Variants in SLC15A1 observed in about 807,000 individuals in gnomAD.
The protein encoded by SLC15A1 is Caco-2 oligopeptide transporter.
Under a neutral mutation model 92.9 loss-of-function variants are expected in SLC15A1, and 83 were observed. The ratio of observed to expected loss-of-function variants is 0.89; its 90% CI spans 0.75 to 1.07. SLC15A1 has a LOEUF of 1.07. SLC15A1 is among the 50% of genes least tolerant of loss of function. The pLI is 0.00. For synonymous variants in SLC15A1, 322 were observed against 318.2 expected, an observed-to-expected ratio of 1.01 and a Z score of -0.13; for missense variants, 857 against 880.1, an observed-to-expected ratio of 0.97 and a Z score of 0.33.
intron 18 of SLC15A1, among the ~76,000 whole-genome samples, chr13:98,697,148 T>C (rs967598238): frequency 3.3e-5 from 5 of 152,190 alleles, no homozygotes; most frequent in African/African-American, 1.2e-4. Flanking sequence ...CTCTGCCTCC[T>C]GGGTTCGAGT....
chr13:98,712,280 A>T (rs1049504110), intron 10 of SLC15A1, among the ~76,000 whole-genome samples: 4 of 152,210 alleles, frequency 2.6e-5, no homozygotes, highest in African/African-American at 9.6e-5. Flanking sequence ...AGATTATACC[A>T]AATGAAAAAC....
Position 98,706,190 on chromosome 13 carries a change from T to G in SLC15A1, c.1213A>C (p.Asn405His). The change falls in exon 16 of 23, where the codon AAT (asparagine) becomes CAT (histidine). Residue 405 changes from asparagine to histidine, a missense_variant. Transcript: ENST00000376503. ...CCAGGAAGAGATATATTCATGGTAT[T>G]GTTTCCTATATTCAAAACTTTAATT... ...VQIKVLNIGN[N>H]TMNISLPGEM... The G allele has an allele frequency of 6.2e-7, 1 of 1,613,748 alleles. No homozygotes were observed. Among genetic ancestry groups the G allele is most frequent in the South Asian group, 1.1e-5 (1 of 90,980 alleles).
Position 98,721,879 on chromosome 13 carries a change from G to A in SLC15A1, c.390C>T (p.Ala130=). Residue 130 remains alanine (A), a synonymous_variant, in exon 6 of 23, where the codon GCC becomes GCT. Coordinates refer to ENST00000376503, the MANE Select transcript of SLC15A1 (RefSeq NM_005073.4). Reference sequence around the variant, plus strand: ...TTCCTCCAGTCCCGAGAGCTATCAGGGCCAGGCCGATCAAGGACAGCACCC... The same window carrying A: ...TTCCTCCAGTCCCGAGAGCTATCAGAGCCAGGCCGATCAAGGACAGCACCC... ...VHVVLSLIGL[A]LIALGTGGIK... is the part of the protein sequence containing the mutation. 1 of 1,613,858 alleles carries A rather than the reference G, an allele frequency of 6.2e-7. No homozygotes were observed. Among genetic ancestry groups the A allele is most frequent in the Non-Finnish European group, 8.5e-7 (1 of 1,179,956 alleles).
At position 98,735,483 on chromosome 13, in the gene SLC15A1, C is replaced by T. The variant is rs34696943; in HGVS notation, c.5-8624G>A. The stretch of plus-strand genomic sequence containing the variant: ...TTCAACATAGAGTTGGAAGTTCTGG[C>T]CAGGGCAATCAGGCAAGAGAAAGAA... On this transcript the variant is annotated intron_variant, in intron 1 of 22. Coordinates refer to ENST00000376503, the MANE Select transcript of SLC15A1 (RefSeq NM_005073.4). 2.2e-4 allele frequency among the ~76,000 whole-genome samples: 33 copies of T among 152,238 alleles called. 4 individuals are homozygous for T. In the East Asian group the frequency reaches 6.4e-3, roughly 29 times the overall value.
rs113841807 is a variant in SLC15A1 at position 98,695,870 on chromosome 13, T to G, written c.1466+6610A>C. Among the ~76,000 whole-genome samples the G allele has an allele frequency of 2.4e-3, 358 of 152,332 alleles. 3 individuals carry two copies. Among genetic ancestry groups the G allele is most frequent in the African/African-American group, 8.3e-3 (344 of 41,584 alleles). The stretch of plus-strand genomic sequence containing the variant: ...TCAGAAGTCTGACTTCCTGAGATTC[T>G]CCGTTGTTCTATTTCTCTGTTATTT... On this transcript the variant is annotated intron_variant, in intron 18 of 22. Coordinates refer to ENST00000376503, the MANE Select transcript of SLC15A1 (RefSeq NM_005073.4).
chr13:98,707,371 T>C (rs2088120530), intron 15 of SLC15A1, among the ~76,000 whole-genome samples: 1 of 152,082 alleles, frequency 6.6e-6, no homozygotes, highest in Non-Finnish European at 1.5e-5. Flanking sequence ...TTGAAGACAA[T>C]ATACTAAGTG....
At chr13:98,707,985 A>T (rs1311097388) in intron 15 of SLC15A1, among the ~76,000 whole-genome samples, 1 of 150,928 alleles carries the variant, frequency 6.6e-6, no homozygotes, top group Non-Finnish European at 1.5e-5. Context: ...TTTAAATTTA[A>T]AGATATTAAA....
At chr13:98,700,633 A>C (rs1369767522) in intron 18 of SLC15A1, among the ~76,000 whole-genome samples, 3 of 152,060 alleles carry the variant, frequency 2.0e-5, no homozygotes, top group Non-Finnish European at 4.4e-5. Context: ...TTCTTGTATA[A>C]ATTTTATAGT....
At chr13:98,730,262 GGGGAA>G (rs1353260490) in intron 1 of SLC15A1, among the ~76,000 whole-genome samples, 1 of 69,652 alleles carries the variant, frequency 1.4e-5, no homozygotes, top group Non-Finnish European at 2.7e-5. Context: ...GGGAAGGGGA[GGGGAA>G]GGGGAGGGGA....
intron 5 of SLC15A1, among the ~76,000 whole-genome samples, chr13:98,722,801 A>G (rs1191516792): frequency 6.6e-6 from 1 of 152,232 alleles, no homozygotes; most frequent in Non-Finnish European, 1.5e-5. Flanking sequence ...AAGACAACAA[A>G]AACACGGCCA....
chr13:98,685,277 G>A (rs1593975654), intron 22 of SLC15A1, among the ~76,000 whole-genome samples: 1 of 152,186 alleles, frequency 6.6e-6, no homozygotes, highest in East Asian at 1.9e-4. Flanking sequence ...AAATGAATAT[G>A]CTGAACTCCA....
At chr13:98,715,983 T>A (rs779604843) in intron 8 of SLC15A1, 23 bp from the exon 9 acceptor site, 2 of 1,606,780 alleles carry the variant, frequency 1.2e-6, no homozygotes, top group South Asian at 2.2e-5. Context: ...GAAGAAGACA[T>A]GTCAGCAAAG....
Position 98,706,119 on chromosome 13 carries a change from T to C in SLC15A1, c.1269+15A>G. On this transcript the variant is annotated intron_variant, in intron 16 of 22. Transcript: ENST00000376503. ...CAGAAGATGAAAAAGAAGGCAGCAATTTCCTTCTACTTACTTGAGACATTG... is the reference window on the plus strand; with the variant it reads ...CAGAAGATGAAAAAGAAGGCAGCAACTTCCTTCTACTTACTTGAGACATTG... 6.3e-7 allele frequency: 1 copy of C among 1,598,096 alleles called. No individual in the cohort carries two copies. Among genetic ancestry groups the C allele is most frequent in the Non-Finnish European group, 8.5e-7 (1 of 1,176,250 alleles).
rs78999319 is a variant in SLC15A1, at chr13:98,747,274, C to T, written c.4+5321G>A. On this transcript the variant is annotated intron_variant, in intron 1 of 22. Coordinates refer to ENST00000376503, the MANE Select transcript of SLC15A1 (RefSeq NM_005073.4). ...ATGTGGAAAGGTTCCTCAGGCCTGA[C>T]CCTTGTTTTTATTTCCTTATCGGCT... Among the ~76,000 whole-genome samples the T allele has an allele frequency of 6.5e-3, 984 of 152,228 alleles. 12 individuals carry two copies. The highest frequency in any genetic ancestry group is 0.023 in the African/African-American group (945 of 41,520).
chr13:98,729,579 G>A (rs2088331028), intron 1 of SLC15A1, among the ~76,000 whole-genome samples: 1 of 152,184 alleles, frequency 6.6e-6, no homozygotes, highest in Non-Finnish European at 1.5e-5. Context: ...CAGCTATCCA[G>A]AGCAGACACC....
rs2088264488 is a variant in SLC15A1, at chr13:98,721,990, G to C, written c.366-87C>G. On this transcript the variant is annotated intron_variant, in intron 5 of 22. Coordinates refer to ENST00000376503, the MANE Select transcript of SLC15A1 (RefSeq NM_005073.4). ...TTCCCCAGTTTCCCTCAGTGGGCCT[G>C]GCATAGTGACACACATAGAGAAGAA... 10 of 1,061,176 alleles carry C rather than the reference G, an allele frequency of 9.4e-6. No homozygotes were observed. The South Asian group carries it at 1.2e-4, about 13-fold the overall frequency. The allele number at this position is 1,061,176 out of a possible 1,614,324, so 65.7% of individuals were successfully genotyped here. A position where few individuals can be genotyped will look rare whatever the true frequency, so the allele number is the denominator to read the frequency against.
At chr13:98,748,393 T>TG (rs1413424339) in intron 1 of SLC15A1, among the ~76,000 whole-genome samples, 1 of 152,128 alleles carries the variant, frequency 6.6e-6, no homozygotes, top group Non-Finnish European at 1.5e-5. Context: ...TGGGCTCAAG[T>TG]GATCCTCTGG....
chr13:98,687,947 T>C (rs2087943570), intron 20 of SLC15A1, among the ~76,000 whole-genome samples: 1 of 152,212 alleles, frequency 6.6e-6, no homozygotes, highest in Admixed American at 6.5e-5. Flanking sequence ...TTGGAAGTCA[T>C]TTTAAAACAC....
intron 1 of SLC15A1, among the ~76,000 whole-genome samples, chr13:98,729,019 A>G (rs1227139182): frequency 2.7e-5 from 4 of 149,356 alleles, no homozygotes; most frequent in Non-Finnish European, 4.5e-5. Flanking sequence ...ACAAGCCCCA[A>G]AACAAAAAAC....
Sources: allele counts gnomAD v4.1 joint callset (sites outside exome capture counted in the v4.1 genomes callset), GRCh38; gene constraint gnomAD v4.1.1; transcripts MANE v1.5; gene names NCBI Gene and HGNC (gene_info 2026-07-23, HGNC 2026-07-21).